Variants in PIEZO1 observed in about 807,000 individuals in gnomAD.
The protein encoded by PIEZO1 is piezo type mechanosensitive ion channel component 1 (Er blood group).
Under a neutral mutation model 297.2 loss-of-function variants are expected in PIEZO1, and 296 were observed. The ratio of observed to expected loss-of-function variants is 1.00; its 90% CI spans 0.91 to 1.10. The LOEUF is 1.10. Ranked by LOEUF, PIEZO1 falls within the 50% of genes least tolerant of loss-of-function variation. The probability of loss-of-function intolerance (pLI) is 0.00; values close to 1 mark genes in which losing one functional copy is unlikely to be tolerated. For synonymous variants in PIEZO1, 2,427 were observed against 1,507.5 expected (o/e 1.61, Z -14.13); for missense variants, 5,018 against 3,455.5 (o/e 1.45, Z -11.34).
intron 2 of PIEZO1, among the ~76,000 whole-genome samples, chr16:88,748,555 G>T (rs1406231422): frequency 6.6e-6 from 1 of 151,876 alleles, no homozygotes; most frequent in African/African-American, 2.4e-5. Flanking sequence ...GCAGCGGGAG[G>T]GCGGTCCAGG....
chr16:88,715,401 T>A lies in PIEZO1; in HGVS notation c.*204A>T. The A allele has an allele frequency of 1.0e-6, 1 of 1,000,430 alleles. No homozygotes were observed. Among genetic ancestry groups the A allele is most frequent in the Non-Finnish European group, 1.4e-6 (1 of 695,730 alleles). 62.0% of individuals were successfully genotyped at this position (1,000,430 alleles called of 1,614,324 possible). The stretch of plus-strand genomic sequence containing the variant: ...TAAAAAAAAAACTCTACAGTACACG[T>A]GGGGGACGGCAGCGCCACGCAGGCC... On this transcript the variant is annotated 3_prime_UTR_variant, in exon 51 of 51. Coordinates refer to ENST00000301015, the MANE Select transcript of PIEZO1 (RefSeq NM_001142864.4).
intron 1 of PIEZO1, among the ~76,000 whole-genome samples, chr16:88,765,047 G>A (rs947151339): frequency 2.6e-5 from 4 of 152,334 alleles, no homozygotes; most frequent in South Asian, 2.1e-4. Flanking sequence ...AGCGGTGCTG[G>A]ACCCAGGACA....
chr16:88,769,304 G>C (rs1292876875), intron 1 of PIEZO1, among the ~76,000 whole-genome samples: 2 of 152,100 alleles, frequency 1.3e-5, no homozygotes, highest in African/African-American at 4.8e-5. Context: ...CTCCCACCAT[G>C]GCCTCCCAAA....
rs753068603 is a variant in PIEZO1, at chr16:88,717,204, G to A, written c.6479C>T (p.Pro2160Leu). The A allele has an allele frequency of 4.6e-5, 71 of 1,548,594 alleles. No individual in the cohort carries two copies. Among genetic ancestry groups the A allele is most frequent in the Non-Finnish European group, 5.6e-5 (64 of 1,146,898 alleles). The change falls in exon 45 of 51, where the codon CCG becomes CTG. Residue 2160 changes from proline to leucine, a missense_variant. Physicochemically the swap from Pro to Leu is moderately conservative, Grantham distance 98. Transcript: ENST00000301015. ...CTTCTTCTTCTGCCCTTTGGGCTGC[G>A]GGTATTTCTGGAGGGGAACGACACA... ...KCSRETEKKY[P>L]QPKGQKKKKI...
chr16:88,722,666 C>T lies in PIEZO1; in HGVS notation c.4692G>A (p.Val1564=). ...CCTGGCTTGTGTACAGCTGATCCAG[C>T]ACGCCCCTGTGCACTTCGCCGCCCT... ...LLQGGEVHRG[V]LDQLYTSQAE... Residue 1564 remains valine, a synonymous_variant, in exon 35 of 51, where the codon GTG becomes GTA. Coordinates refer to ENST00000301015, the MANE Select transcript of PIEZO1 (RefSeq NM_001142864.4). 1 of 1,538,114 alleles carries T rather than the reference C, an allele frequency of 6.5e-7. No individual in the cohort carries two copies. Among genetic ancestry groups the T allele is most frequent in the Non-Finnish European group, 8.7e-7 (1 of 1,146,460 alleles).
At position 88,721,397 on chromosome 16, in the gene PIEZO1, G is replaced by C. The variant is rs1912441157; in HGVS notation, c.5437C>G (p.Pro1813Ala). The change falls in exon 39 of 51, where the codon CCA becomes GCA. Residue 1813 changes from proline to alanine, a missense_variant. Transcript: ENST00000301015. ...CCGCTCTTGTCATGCTCCTTGGATG[G>C]TGAGTCCTCCTCATGGTCCCAGAGG... The part of the protein sequence containing the change: ...YGLWDHEEDS[P>A]SKEHDKSGEE... The C allele has an allele frequency of 3.9e-6, 6 of 1,549,800 alleles. No homozygotes were observed. Among genetic ancestry groups the C allele is most frequent in the South Asian group, 1.2e-5 (1 of 84,042 alleles).
intron 1 of PIEZO1, among the ~76,000 whole-genome samples, chr16:88,751,628 TC>T (rs1906394246): frequency 6.6e-6 from 1 of 151,804 alleles, no homozygotes; most frequent in Admixed American, 6.6e-5. Flanking sequence ...AGCCATCGGC[TC>T]CATGCTTTTA....
Position 88,737,638 on chromosome 16 carries a change from C to T in PIEZO1, c.1116G>A (p.Val372=), listed in dbSNP as rs1268053267. 4 of 1,534,862 alleles carry T rather than the reference C, an allele frequency of 2.6e-6. No individual in the cohort carries two copies. The highest frequency in any genetic ancestry group is 2.4e-5 in the East Asian group (1 of 40,902). Residue 372 remains valine (V), a synonymous_variant, in exon 10 of 51, where the codon GTG becomes GTA. Coordinates refer to ENST00000301015, the MANE Select transcript of PIEZO1 (RefSeq NM_001142864.4). ...PQERESDQHV[V]PTAPDTEADN... is the part of the protein sequence containing the mutation. ...CAGCCTCGGTGTCGGGTGCTGTGGG[C>T]ACCACGTGCTGTGGGCAAGCAGCGC... is the stretch of plus-strand genomic sequence containing the variant.
intron 1 of PIEZO1, among the ~76,000 whole-genome samples, chr16:88,750,012 G>A (rs7200026): frequency 0.055 from 8,395 of 151,534 alleles, 781 homozygotes; most frequent in African/African-American, 0.19. Context: ...AACAGAGCAA[G>A]ACTCCGCCTC....
At chr16:88,749,267 A>AC (rs1335150093) in intron 2 of PIEZO1, 117 bp downstream of exon 2, 4 of 603,956 alleles carry the variant, frequency 6.6e-6, no homozygotes, top group African/African-American at 5.9e-5. Context: ...TTATTTCGGG[A>AC]CCCCTCATCT....
chr16:88,727,003 C>A, intron 24 of PIEZO1, 36 bp downstream of exon 24: 1 of 1,548,888 alleles, frequency 6.5e-7, no homozygotes, highest in Non-Finnish European at 8.7e-7. Context: ...CCACCCCTCC[C>A]AGAAGGTTCC....
rs1463987817 is a variant in PIEZO1 at position 88,717,062 on chromosome 16, G to T, written c.6621C>A (p.Pro2207=). 3 of 1,550,778 alleles carry T rather than the reference G, an allele frequency of 1.9e-6. No homozygotes were observed. In the Admixed American group the frequency reaches 5.9e-5, roughly 30 times the overall value. The change falls in exon 45 of 51, where the codon CCC becomes CCA. Residue 2207 remains proline (P), a synonymous_variant. Transcript: ENST00000301015. ...VRSVVGVVNQ[P]IDVTVTLKLG... ...GCTTCAGGGTGACGGTGACATCGAT[G>T]GGCTGGTTGACAACCCCAACCACGG...
chr16:88,764,577 C>T (rs1374733324), intron 1 of PIEZO1, among the ~76,000 whole-genome samples: 1 of 151,856 alleles, frequency 6.6e-6, no homozygotes. Flanking sequence ...ATGACGAAAC[C>T]CCGTCGCTAC....
chr16:88,749,099 G>A (rs1906237085), intron 2 of PIEZO1, among the ~76,000 whole-genome samples: 2 of 151,912 alleles, frequency 1.3e-5, no homozygotes. Flanking sequence ...AATAAGCCAG[G>A]CGTGGTGGCG....
intron 1 of PIEZO1, among the ~76,000 whole-genome samples, chr16:88,765,668 A>ATTTTTT (rs397966717): frequency 2.3e-4 from 30 of 131,732 alleles, no homozygotes; most frequent in African/African-American, 7.8e-4. Context: ...GTTATCTCTA[A>ATTTTTT]TTTTTTTTTT....
chr16:88,764,579 C>T (rs532435995), intron 1 of PIEZO1, among the ~76,000 whole-genome samples: 5 of 151,820 alleles, frequency 3.3e-5, no homozygotes, highest in Non-Finnish European at 7.4e-5. Flanking sequence ...GACGAAACCC[C>T]GTCGCTACTA....
intron 22 of PIEZO1, among the ~76,000 whole-genome samples, chr16:88,730,826 G>A (rs187085018): frequency 2.0e-5 from 3 of 152,338 alleles, no homozygotes; most frequent in East Asian, 3.9e-4. Context: ...CAGAATTCTT[G>A]GAAAGCAGCC....
At chr16:88,754,155 G>A (rs142378260) in intron 1 of PIEZO1, among the ~76,000 whole-genome samples, 1 of 152,282 alleles carries the variant, frequency 6.6e-6, no homozygotes, top group Admixed American at 6.5e-5. Flanking sequence ...GGGAAGCAGA[G>A]AGCCCAGCCA....
In PIEZO1 at chr16:88,727,311, C is replaced by T. The variant is rs893264585; in HGVS notation, c.3302-119G>A. The T allele has an allele frequency of 7.4e-5, 89 of 1,197,358 alleles. No homozygotes were observed. In the East Asian group the frequency reaches 1.0e-3, roughly 13 times the overall value. The allele number at this position is 1,197,358 out of a possible 1,614,324, so 74.2% of individuals were successfully genotyped here. Reference sequence around the variant, plus strand: ...CGTGCAGCCGCTGGGAGCGGACACACGTCTGCCTGGGTGAGTGGCCGGGTG... The same window carrying T: ...CGTGCAGCCGCTGGGAGCGGACACATGTCTGCCTGGGTGAGTGGCCGGGTG... On this transcript the variant is annotated intron_variant, in intron 23 of 50. Transcript: ENST00000301015.
Sources: allele counts gnomAD v4.1 joint callset (sites outside exome capture counted in the v4.1 genomes callset), GRCh38; gene constraint gnomAD v4.1.1; transcripts MANE v1.5; gene names NCBI Gene and HGNC (gene_info 2026-07-23, HGNC 2026-07-21).